DOCK9: variants seen among roughly 807,000 people sequenced by gnomAD.
DOCK9 encodes dedicator of cytokinesis 9.
Under a neutral mutation model 263.3 loss-of-function variants are expected in DOCK9, and 89 were observed. The observed-to-expected ratio is 0.34, with a 90% confidence interval of 0.28 to 0.40. The LOEUF (loss-of-function observed/expected upper bound fraction) is 0.40. DOCK9 is among the 10% of genes least tolerant of loss of function. The pLI is 1.00. For missense variants in DOCK9, 2,140 were observed against 2,603.4 expected, an observed-to-expected ratio of 0.82 and a Z score of 3.87; for synonymous variants, 976 against 973.1, an observed-to-expected ratio of 1.00 and a Z score of -0.06.
intron 20 of DOCK9, 130 bp downstream of exon 20, chr13:98,885,578 A>G (rs1452606678): frequency 2.9e-6 from 3 of 1,018,666 alleles, no homozygotes; most frequent in Non-Finnish European, 4.2e-6. Context: ...CAGACATGCT[A>G]CATATCCGTT....
intron 1 of DOCK9, among the ~76,000 whole-genome samples, chr13:99,023,987 C>T (rs978823192): frequency 2.6e-5 from 4 of 152,222 alleles, no homozygotes; most frequent in African/African-American, 9.6e-5. Flanking sequence ...ACAATGTACA[C>T]AGGTCCAACT....
chr13:98,816,837 C>T (rs1254471607), intron 45 of DOCK9, among the ~76,000 whole-genome samples: 2 of 151,940 alleles, frequency 1.3e-5, no homozygotes, highest in Non-Finnish European at 2.9e-5. Flanking sequence ...GGAGGATTTA[C>T]ATGTAGTTTG....
intron 1 of DOCK9, among the ~76,000 whole-genome samples, chr13:99,048,876 A>C (rs2040556939): frequency 6.6e-6 from 1 of 152,238 alleles, no homozygotes; most frequent in Admixed American, 6.5e-5. Context: ...CCCTGACATT[A>C]AGCTCTGCTA....
At chr13:98,951,831 C>T (rs967999877) in intron 2 of DOCK9, among the ~76,000 whole-genome samples, 4 of 152,070 alleles carry the variant, frequency 2.6e-5, no homozygotes, top group South Asian at 2.1e-4. Flanking sequence ...CAGCTAGTGA[C>T]GGCTGCAGGC....
intron 1 of DOCK9, among the ~76,000 whole-genome samples, chr13:99,011,010 G>T (rs1023658371): frequency 1.3e-5 from 2 of 152,166 alleles, no homozygotes; most frequent in Non-Finnish European, 2.9e-5. Flanking sequence ...TGACACTCCT[G>T]CCTCAGCCTC....
chr13:98,915,205 G>A, intron 8 of DOCK9, 124 bp downstream of exon 8: 1 of 846,606 alleles, frequency 1.2e-6, no homozygotes, highest in Non-Finnish European at 1.8e-6. Flanking sequence ...TATTTGTAAA[G>A]AGCTCCTATC....
rs1488866003 is a variant in DOCK9, at chr13:99,078,515, G to A, written c.129+7708C>T. On this transcript the variant is annotated intron_variant, in intron 1 of 32. Transcript: ENST00000427887. ...GACATGAGCAGGTCACAGGGATAGG[G>A]AGCTGTGGATGGTGAGGAAGCAGAG... Among the ~76,000 whole-genome samples, 3 of 152,294 alleles carry A rather than the reference G, an allele frequency of 2.0e-5. No homozygotes were observed. The South Asian group carries it at 6.2e-4, about 32-fold the overall frequency.
chr13:99,078,330 T>A (rs966775077), intron 1 of DOCK9, among the ~76,000 whole-genome samples: 1 of 152,032 alleles, frequency 6.6e-6, no homozygotes, highest in African/African-American at 2.4e-5. Context: ...AGAGACCCTT[T>A]AGGAATGCCC....
chr13:99,067,785 A>G (rs1433364236), intron 1 of DOCK9, among the ~76,000 whole-genome samples: 1 of 151,784 alleles, frequency 6.6e-6, no homozygotes, highest in Admixed American at 6.6e-5. Flanking sequence ...TGCCCAAGAG[A>G]TGGAGAGGTA....
At chr13:98,963,774 A>G (rs2058917031) in intron 1 of DOCK9, among the ~76,000 whole-genome samples, 1 of 152,214 alleles carries the variant, frequency 6.6e-6, no homozygotes, top group African/African-American at 2.4e-5. Flanking sequence ...TGCCAACAGG[A>G]CACCAGTACT....
rs763601942 is a variant in DOCK9 at position 99,000,883 on chromosome 13, T to G, written c.130-45332A>C. Reference sequence around the variant, plus strand: ...TTCACATGCAGAAACTGTTAAGTTCTGGCAGTGAAAAAAGATGAGTGGCAG... The same window carrying G: ...TTCACATGCAGAAACTGTTAAGTTCGGGCAGTGAAAAAAGATGAGTGGCAG... On this transcript the variant is annotated intron_variant, in intron 1 of 32. Transcript: ENST00000427887. 2.0e-5 allele frequency among the ~76,000 whole-genome samples: 3 copies of G among 152,200 alleles called. No individual in the cohort carries two copies. The South Asian group carries it at 6.2e-4, about 32-fold the overall frequency.
chr13:98,805,177 T>A lies in DOCK9; in HGVS notation c.5547A>T (p.Ala1849=). 6.2e-7 allele frequency: 1 copy of A among 1,603,096 alleles called. No individual in the cohort carries two copies. The highest frequency in any genetic ancestry group is 1.7e-5 in the Admixed American group (1 of 58,686). The part of the protein sequence containing the change: ...VNPKDLDSKY[A]YIQVTHVIPF... ...GGATGACGTGAGTCACCTGGATGTA[T>A]GCATACTTAGAATCCAGATCCTTAG... The change falls in exon 49 of 53, where the codon GCA becomes GCT. Residue 1849 remains alanine, a synonymous_variant. Transcript: ENST00000682017.
intron 7 of DOCK9, among the ~76,000 whole-genome samples, chr13:98,918,581 T>C (rs56688373): frequency 1 from 152,283 of 152,322 alleles, 76,122 homozygotes; most frequent in Middle Eastern, 1. Flanking sequence ...CATCAGAACC[T>C]TCCAAACGAC....
At chr13:98,956,681 A>C in intron 1 of DOCK9, among the ~76,000 whole-genome samples, 1 of 152,140 alleles carries the variant, frequency 6.6e-6, no homozygotes, top group East Asian at 1.9e-4. Flanking sequence ...GGGGAGGCGG[A>C]GGTTGCAGTG....
intron 45 of DOCK9, among the ~76,000 whole-genome samples, chr13:98,811,551 C>T (rs1371067186): frequency 2.6e-5 from 4 of 152,142 alleles, no homozygotes; most frequent in Admixed American, 2.6e-4. Flanking sequence ...GCTGGGATTA[C>T]AGCTGTGCAC....
At chr13:98,946,832 G>A (rs1260595515) in intron 2 of DOCK9, among the ~76,000 whole-genome samples, 3 of 151,930 alleles carry the variant, frequency 2.0e-5, no homozygotes, top group Admixed American at 2.0e-4. Context: ...CCTTTCCTGG[G>A]ACCTCCCTAG....
intron 28 of DOCK9, 34 bp from the exon 29 acceptor site, chr13:98,868,045 G>A: frequency 1.3e-6 from 2 of 1,599,160 alleles, no homozygotes; most frequent in Non-Finnish European, 1.7e-6. Context: ...AGTTATTTCA[G>A]GTCCAAACAT....
chr13:98,886,880 C>T (rs561122249), intron 18 of DOCK9, among the ~76,000 whole-genome samples: 1 of 152,072 alleles, frequency 6.6e-6, no homozygotes, highest in Non-Finnish European at 1.5e-5. Context: ...TTCCCTTTCA[C>T]ATTTCCATGC....
intron 32 of DOCK9, among the ~76,000 whole-genome samples, chr13:98,862,736 T>C (rs1173583342): frequency 6.7e-6 from 1 of 150,324 alleles, no homozygotes. Flanking sequence ...ACAAACACCA[T>C]GGAGAACGAA....
Sources: allele counts gnomAD v4.1 joint callset (sites outside exome capture counted in the v4.1 genomes callset), GRCh38; gene constraint gnomAD v4.1.1; transcripts MANE v1.5; gene names NCBI Gene and HGNC (gene_info 2026-07-23, HGNC 2026-07-21).